SI: variants seen among roughly 807,000 people sequenced by gnomAD.
SI encodes the protein sucrase-isomaltase.
In SI, 235 loss-of-function variants were observed where a neutral mutation model predicts 253.3. The ratio of observed to expected loss-of-function variants is 0.93; its 90% CI spans 0.83 to 1.03. SI has a LOEUF of 1.03. Among genes scored for constraint, SI ranks in the 50% least tolerant of loss-of-function variants. SI has a pLI of 0.00. For missense variants in SI, 2,442 were observed against 2,211.1 expected, an observed-to-expected ratio of 1.10 and a Z score of -2.09; for synonymous variants, 819 against 712.0, an observed-to-expected ratio of 1.15 and a Z score of -2.39.
Position 165,074,556 on chromosome 3 carries a change from C to A in SI, c.230G>T (p.Cys77Phe), listed in dbSNP as rs867450031. Residue 77 changes from cysteine to phenylalanine, a missense_variant, in exon 3 of 48, where the codon TGC becomes TTC. Transcript: ENST00000264382. ...LNDPVNVRIN[C>F]IPEQFPTEGI... ...CTCTGTTGGGAATTGTTCTGGAATG[C>A]AGTTTATTCTCACATTGACAGGATC... The A allele has an allele frequency of 1.2e-6, 2 of 1,608,262 alleles. No homozygotes were observed. The highest frequency in any genetic ancestry group is 8.5e-7 in the Non-Finnish European group (1 of 1,176,466).
At position 165,039,899 on chromosome 3, in the gene SI, A is replaced by G; in HGVS notation, c.2232T>C (p.Pro744=). Residue 744 remains proline, a synonymous_variant, in exon 19 of 48, where the codon CCT becomes CCC. Coordinates refer to ENST00000264382, the MANE Select transcript of SI (RefSeq NM_001041.4). The stretch of plus-strand genomic sequence containing the variant: ...CTGTAGAGCCTACCTGTTTTAGAAC[A>G]GGAGTAATAAGTAATGCAGGGCCCC... ...FLWGPALLIT[P]VLKQGADTVS... 1 of 1,611,998 alleles carries G rather than the reference A, an allele frequency of 6.2e-7. No individual in the cohort carries two copies. Among genetic ancestry groups the G allele is most frequent in the South Asian group, 1.1e-5 (1 of 91,042 alleles).
chr3:164,998,775 C>T (rs1230260543), intron 37 of SI, 102 bp from the exon 38 acceptor site: 5 of 960,204 alleles, frequency 5.2e-6, no homozygotes, highest in East Asian at 2.5e-5. Context: ...ATTTGTGGTG[C>T]TTATATTGTC....
At chr3:165,067,231 A>C in intron 6 of SI, 109 bp downstream of exon 6, 3 of 810,896 alleles carry the variant, frequency 3.7e-6, no homozygotes, top group Admixed American at 2.6e-5. Flanking sequence ...CTATCCACCT[A>C]CCCTCTTTTG....
chr3:165,088,921 A>G, the SI span, among the ~76,000 whole-genome samples: 1 of 152,048 alleles, frequency 6.6e-6, no homozygotes, highest in African/African-American at 2.4e-5. Context: ...TAAAATCAAT[A>G]TTGCTTTGAT....
chr3:164,986,743 C>T (rs1228362100), intron 45 of SI, among the ~76,000 whole-genome samples: 1 of 152,062 alleles, frequency 6.6e-6, no homozygotes, highest in African/African-American at 2.4e-5. Context: ...AAGTGTCACT[C>T]CTTTTTGTCA....
intron 16 of SI, among the ~76,000 whole-genome samples, chr3:165,046,013 TAGAGACAGGG>T (rs1293149977): frequency 1.3e-5 from 2 of 151,824 alleles, no homozygotes; most frequent in African/African-American, 4.8e-5. Flanking sequence ...GTATTTTTGG[TAGAGACAGGG>T]TTTCACCATG....
chr3:164,995,613 G>T (rs1298509030), intron 40 of SI, among the ~76,000 whole-genome samples: 2 of 151,422 alleles, frequency 1.3e-5, no homozygotes, highest in Non-Finnish European at 3.0e-5. Context: ...TACAATCATT[G>T]GGTATTTTAC....
At chr3:165,068,048 G>C (rs184484794) in intron 5 of SI, among the ~76,000 whole-genome samples, 273 of 151,854 alleles carry the variant, frequency 1.8e-3, no homozygotes, top group African/African-American at 6.3e-3. Context: ...ATTTATACTA[G>C]TAAACTACGT....
At chr3:165,079,883 A>G (rs1715237148), upstream of SI, among the ~76,000 whole-genome samples, 1 of 151,868 alleles carries the variant, frequency 6.6e-6, no homozygotes, top group Non-Finnish European at 1.5e-5. Flanking sequence ...GATTTTAAAA[A>G]TTGAGAGATA....
At chr3:165,019,548 G>T in intron 28 of SI, 54 bp downstream of exon 28, 2 of 1,522,392 alleles carry the variant, frequency 1.3e-6, no homozygotes, top group Admixed American at 1.7e-5. Context: ...AAGTGGCTTG[G>T]ATTCTACTCA....
In SI at chr3:165,054,924, G is replaced by A. The variant is rs544097498; in HGVS notation, c.1512+270C>T. ...TTTCAGGTAAAGTATTAGTCATAAA[G>A]GAACAAAACCTTGCATACAGAAATA... On this transcript the variant is annotated intron_variant, in intron 13 of 47. Transcript: ENST00000264382. 1.2e-4 allele frequency among the ~76,000 whole-genome samples: 18 copies of A among 152,134 alleles called. No individual in the cohort carries two copies. The South Asian group carries it at 3.7e-3, about 32-fold the overall frequency.
At position 165,063,527 on chromosome 3, in the gene SI, T is replaced by C. The variant is rs771219913; in HGVS notation, c.822A>G (p.Leu274=). ...DQLPGDNNNN[L]YGHQTFFMCI... ...ACATAAAGAATGTTTGATGGCCGTA[T>C]AAATTATTATTATTCTATAAGGCAA... The change falls in exon 8 of 48, where the codon TTA becomes TTG. Residue 274 remains leucine (L), a synonymous_variant. Transcript: ENST00000264382. 10 of 1,466,320 alleles carry C rather than the reference T, an allele frequency of 6.8e-6. No homozygotes were observed. The highest frequency in any genetic ancestry group is 9.5e-6 in the Non-Finnish European group (10 of 1,055,112). 90.8% of individuals were successfully genotyped at this position (1,466,320 alleles called of 1,614,324 possible). A position where few individuals can be genotyped will look rare whatever the true frequency, so the allele number is the denominator to read the frequency against.
rs184330115 is a variant in SI, at chr3:164,994,533, C to A, written c.4693-128G>T. On this transcript the variant is annotated intron_variant, in intron 40 of 47. Coordinates refer to ENST00000264382, the MANE Select transcript of SI (RefSeq NM_001041.4). Reference sequence around the variant, plus strand: ...TTGATTGTCATGTGCTATGTACTTTCTTCCCAAAATCTTACACAATAATAT... The same window carrying A: ...TTGATTGTCATGTGCTATGTACTTTATTCCCAAAATCTTACACAATAATAT... 110 of 917,310 alleles carry A rather than the reference C, an allele frequency of 1.2e-4. No homozygotes were observed. The East Asian group carries it at 2.7e-3, about 23-fold the overall frequency. The allele number at this position is 917,310 out of a possible 1,614,324, so 56.8% of individuals were successfully genotyped here.
intron 45 of SI, among the ~76,000 whole-genome samples, chr3:164,983,673 T>C (rs2108110894): frequency 6.6e-6 from 1 of 152,226 alleles, no homozygotes; most frequent in East Asian, 1.9e-4. Context: ...CACTACAGCC[T>C]GGACCTCCTG....
At chr3:165,053,889 C>T (rs1020906470) in intron 13 of SI, among the ~76,000 whole-genome samples, 1 of 151,888 alleles carries the variant, frequency 6.6e-6, no homozygotes, top group Non-Finnish European at 1.5e-5. Flanking sequence ...CTCAAGATCA[C>T]AGTAAATTTT....
At chr3:164,997,587 C>T (rs1221715994) in intron 38 of SI, among the ~76,000 whole-genome samples, 1 of 151,322 alleles carries the variant, frequency 6.6e-6, no homozygotes, top group African/African-American at 2.4e-5. Context: ...ATTTTGTCAC[C>T]CAGATAATAA....
intron 12 of SI, 142 bp from the exon 13 acceptor site, chr3:165,055,449 A>G: frequency 9.0e-6 from 5 of 557,582 alleles, no homozygotes; most frequent in Non-Finnish European, 1.6e-5. Flanking sequence ...ATATAAATTT[A>G]CAAGAATATC....
chr3:165,021,303 G>C lies in SI; in HGVS notation c.3180C>G (p.Asp1060Glu). Residue 1060 changes from aspartate to glutamate, a missense_variant, in exon 27 of 48, where the codon GAC becomes GAG. Coordinates refer to ENST00000264382, the MANE Select transcript of SI (RefSeq NM_001041.4). Reference sequence around the variant, plus strand: ...CCTTGATTTCCACATCATAAAGTCTGTCTTCATAAGTACTTATTGGGGTGG... The same window carrying C: ...CCTTGATTTCCACATCATAAAGTCTCTCTTCATAAGTACTTATTGGGGTGG... ...IPTTPISTYE[D>E]RLYDVEIKEN... 1.2e-6 allele frequency: 2 copies of C among 1,611,134 alleles called. No homozygotes were observed. The highest frequency in any genetic ancestry group is 1.7e-6 in the Non-Finnish European group (2 of 1,177,898).
chr3:164,991,875 G>A (rs879343164), intron 43 of SI, among the ~76,000 whole-genome samples: 7 of 151,962 alleles, frequency 4.6e-5, no homozygotes, highest in Non-Finnish European at 7.4e-5. Context: ...TAGAAAGACT[G>A]CACTACCTTT....
Sources: gnomAD v4.1 joint callset for allele counts (sites outside exome capture counted in the v4.1 genomes callset) on GRCh38, gnomAD v4.1.1 for gene constraint, MANE v1.5 for transcripts, NCBI Gene and HGNC (gene_info 2026-07-23, HGNC 2026-07-21) for gene names.